XRN1: variants seen among roughly 807,000 people sequenced by gnomAD.
The protein encoded by XRN1 is 5'-3' exoribonuclease 1, also known as strand-exchange protein 1 homolog.
A neutral mutation model predicts 222.3 loss-of-function variants in XRN1; 67 were observed. The observed-to-expected ratio is 0.30, with a 90% confidence interval of 0.25 to 0.37. XRN1 has a LOEUF of 0.37. XRN1 is among the 10% of genes least tolerant of loss of function. The pLI is 1.00. For synonymous variants in XRN1, 643 were observed against 652.4 expected, an observed-to-expected ratio of 0.99 and a Z score of 0.22; for missense variants, 1,707 against 2,000.2, an observed-to-expected ratio of 0.85 and a Z score of 2.80.
rs377313988 is a variant in XRN1, at chr3:142,376,462, C to G, written c.2831+17G>C. 6.4e-7 allele frequency: 1 copy of G among 1,563,320 alleles called. No individual in the cohort carries two copies. The highest frequency in any genetic ancestry group is 8.8e-7 in the Non-Finnish European group (1 of 1,138,624). On this transcript the variant is annotated intron_variant, in intron 24 of 40. Transcript: ENST00000392981. ...TTTTTCTGCCACTTTAAGTAAATTT[C>G]TCTAACATAAACTTACTTTCTCCTA...
At chr3:142,444,213 G>A (rs1180103833) in intron 1 of XRN1, among the ~76,000 whole-genome samples, 1 of 152,210 alleles carries the variant, frequency 6.6e-6, no homozygotes, top group Non-Finnish European at 1.5e-5. Flanking sequence ...GGGAGGCCGA[G>A]GCGGGCAGAT....
At chr3:142,424,768 AAAT>A (rs1233312393) in intron 5 of XRN1, among the ~76,000 whole-genome samples, 1 of 152,080 alleles carries the variant, frequency 6.6e-6, no homozygotes, top group Non-Finnish European at 1.5e-5. Flanking sequence ...TAGAAATTTA[AAAT>A]TATTTAAGTT....
chr3:142,438,793 G>A (rs566660435), intron 1 of XRN1, among the ~76,000 whole-genome samples: 193 of 152,276 alleles, frequency 1.3e-3, no homozygotes, highest in African/African-American at 4.4e-3. Context: ...AGGGCAAATG[G>A]AGTGAAGTGC....
At chr3:142,363,139 A>C (rs73238161) in intron 29 of XRN1, among the ~76,000 whole-genome samples, 18,261 of 152,058 alleles carry the variant, frequency 0.12, 1,138 homozygotes, top group Non-Finnish European at 0.14. Flanking sequence ...TAGGTTATTA[A>C]GATTTTCTCC....
intron 25 of XRN1, among the ~76,000 whole-genome samples, chr3:142,372,860 C>T (rs535685783): frequency 4.6e-5 from 7 of 152,278 alleles, no homozygotes; most frequent in African/African-American, 1.4e-4. Flanking sequence ...GCCACCTCTC[C>T]GGGAAAGAAA....
chr3:142,347,419 ACATT>A, intron 32 of XRN1, 77 bp from the exon 33 acceptor site: 1 of 922,432 alleles, frequency 1.1e-6, no homozygotes, highest in Non-Finnish European at 1.6e-6. Flanking sequence ...TTTAATAAAT[ACATT>A]TTTATAAAAA....
At chr3:142,420,155 T>C (rs2068951757) in intron 10 of XRN1, 1 of 152,128 alleles carries the variant, frequency 6.6e-6, no homozygotes, top group Non-Finnish European at 1.5e-5. Flanking sequence ...TTTTAAAAAC[T>C]AGTCCATTGT....
intron 18 of XRN1, 47 bp from the exon 19 acceptor site, chr3:142,400,594 G>A: frequency 6.6e-7 from 1 of 1,522,258 alleles, no homozygotes; most frequent in Middle Eastern, 1.7e-4. Flanking sequence ...AGGTCTAAGA[G>A]AAAACTTTAC....
chr3:142,334,711 GTATA>G (rs1337590567), intron 34 of XRN1, among the ~76,000 whole-genome samples: 1 of 149,554 alleles, frequency 6.7e-6, no homozygotes, highest in African/African-American at 2.5e-5. Flanking sequence ...ATGTCTATGT[GTATA>G]TATATAAGAC....
chr3:142,371,426 G>T, intron 25 of XRN1, 98 bp from the exon 26 acceptor site: 2 of 831,822 alleles, frequency 2.4e-6, no homozygotes, highest in Non-Finnish European at 3.7e-6. Context: ...AACATATAAA[G>T]CTTATTGAGG....
intron 33 of XRN1, among the ~76,000 whole-genome samples, chr3:142,343,120 G>C (rs1218040331): frequency 6.6e-6 from 1 of 152,000 alleles, no homozygotes; most frequent in East Asian, 1.9e-4. Flanking sequence ...CAAAAGCTTC[G>C]AATAGACTTT....
Position 142,397,386 on chromosome 3 carries a change from T to C in XRN1, c.2282A>G (p.His761Arg), listed in dbSNP as rs760497370. ...GRTAPPSKVV[H>R]LGDKEQSNWA... ...GTTAGATTGTTCTTTATCTCCAAGA[T>C]GAACCACTTTAGATGGTGGGGCAGT... Residue 761 changes from histidine (H) to arginine (R), a missense_variant, in exon 20 of 41, where the codon CAT becomes CGT. By Grantham distance (29) the His-to-Arg change is conservative. Transcript: ENST00000392981. 6.8e-6 allele frequency: 11 copies of C among 1,610,246 alleles called. No homozygotes were observed. Among genetic ancestry groups the C allele is most frequent in the African/African-American group, 5.3e-5 (4 of 74,868 alleles).
Position 142,431,771 on chromosome 3 carries a change from C to T in XRN1, c.308+890G>A, listed in dbSNP as rs144005110. 5.5e-3 allele frequency among the ~76,000 whole-genome samples: 712 copies of T among 129,286 alleles called. 9 individuals are homozygous for T. Among genetic ancestry groups the T allele is most frequent in the African/African-American group, 0.02 (687 of 35,128 alleles). The allele number at this position is 129,286 out of a possible 152,430, so 84.8% of individuals were successfully genotyped here. A position where few individuals can be genotyped will look rare whatever the true frequency, so the allele number is the denominator to read the frequency against. ...GGCGGAGGTTGTAATGAGCCGAGAT[C>T]GCGCCACTGCACTCCAGCCTGGGCG... On this transcript the variant is annotated intron_variant, in intron 2 of 40. Coordinates refer to ENST00000392981, the MANE Select transcript of XRN1 (RefSeq NM_001282857.2).
chr3:142,369,615 T>A (rs2066921787), intron 27 of XRN1, among the ~76,000 whole-genome samples: 1 of 143,332 alleles, frequency 7.0e-6, no homozygotes, highest in Non-Finnish European at 1.5e-5. Context: ...GCCACTTCAC[T>A]CCAGCCTCGG....
chr3:142,416,995 C>T (rs547681373), intron 13 of XRN1, 145 bp downstream of exon 13: 46 of 513,986 alleles, frequency 8.9e-5, no homozygotes, highest in Non-Finnish European at 1.2e-4. Flanking sequence ...TGCCACTGCA[C>T]TCCAGCCTGG....
At chr3:142,331,966 A>C (rs1389804803) in intron 36 of XRN1, among the ~76,000 whole-genome samples, 1 of 152,014 alleles carries the variant, frequency 6.6e-6, no homozygotes, top group Non-Finnish European at 1.5e-5. Flanking sequence ...AGAGAGACAG[A>C]GTTTCCGCCA....
At chr3:142,446,683 T>C (rs2070517977) in intron 1 of XRN1, among the ~76,000 whole-genome samples, 1 of 152,230 alleles carries the variant, frequency 6.6e-6, no homozygotes, top group Admixed American at 6.5e-5. Context: ...AAAGCCAAAG[T>C]TGGTTGTCTC....
chr3:142,370,757 T>C (rs1381790596), intron 26 of XRN1, 137 bp from the exon 27 acceptor site: 4 of 651,216 alleles, frequency 6.1e-6, no homozygotes, highest in Non-Finnish European at 9.6e-6. Context: ...AATATAAATA[T>C]GGACATGTTA....
Position 142,440,546 on chromosome 3 carries a change from C to T in XRN1, c.75+7324G>A, listed in dbSNP as rs556118855. On this transcript the variant is annotated intron_variant, in intron 1 of 40. Coordinates refer to ENST00000392981, the MANE Select transcript of XRN1 (RefSeq NM_001282857.2). ...GGCAGTACCCCCTTAGACCCGAGGCCCAACAAGGACTCCAAAAGATTGTTA... is the reference window on the plus strand; with the variant it reads ...GGCAGTACCCCCTTAGACCCGAGGCTCAACAAGGACTCCAAAAGATTGTTA... Among the ~76,000 whole-genome samples, 390 of 152,074 alleles carry T rather than the reference C, an allele frequency of 2.6e-3. 1 individual carries two copies. Among genetic ancestry groups the T allele is most frequent in the Middle Eastern group, 6.8e-3 (2 of 294 alleles).
Sources: gnomAD v4.1 joint callset for allele counts (sites outside exome capture counted in the v4.1 genomes callset) on GRCh38, gnomAD v4.1.1 for gene constraint, MANE v1.5 for transcripts, NCBI Gene and HGNC (gene_info 2026-07-23, HGNC 2026-07-21) for gene names.